Variants in GPC6 observed in about 807,000 individuals in gnomAD.
The protein encoded by GPC6 is glypican 6.
GPC6 carries 14 observed loss-of-function variants against 55.2 expected under a neutral mutation model. That is an observed-to-expected ratio of 0.25 (90% confidence interval 0.17 to 0.40). The LOEUF (loss-of-function observed/expected upper bound fraction) is 0.40, where lower values mean the gene tolerates loss of function less well. GPC6 is among the 10% of genes least tolerant of loss of function. The pLI, the probability that GPC6 is intolerant of heterozygous loss-of-function variation, is 1.00. For missense variants in GPC6, 641 were observed against 708.5 expected (o/e 0.90, Z 1.08); for synonymous variants, 278 against 259.6 (o/e 1.07, Z -0.68).
intron 2 of GPC6, among the ~76,000 whole-genome samples, chr13:93,711,252 A>C (rs1053138709): frequency 2.0e-5 from 3 of 151,814 alleles, no homozygotes; most frequent in African/African-American, 7.2e-5. Flanking sequence ...ACAGTTCCAC[A>C]TGGCTGAGGA....
intron 4 of GPC6, among the ~76,000 whole-genome samples, chr13:94,257,880 G>C (rs1197469876): frequency 1.3e-5 from 2 of 152,178 alleles, no homozygotes; most frequent in Non-Finnish European, 2.9e-5. Context: ...AGAGTGGGTA[G>C]AGTGACTTGA....
chr13:93,781,959 A>T (rs971279359), intron 2 of GPC6, among the ~76,000 whole-genome samples: 1 of 152,188 alleles, frequency 6.6e-6, no homozygotes, highest in African/African-American at 2.4e-5. Flanking sequence ...AACATTTAAA[A>T]TCTACTTTTT....
At chr13:93,244,174 G>C (rs985428254) in intron 1 of GPC6, among the ~76,000 whole-genome samples, 2 of 152,126 alleles carry the variant, frequency 1.3e-5, no homozygotes, top group Non-Finnish European at 2.9e-5. Flanking sequence ...AAGAGTCCAC[G>C]CTGGGAGCCG....
At chr13:94,286,582 A>G in intron 5 of GPC6, 103 bp downstream of exon 5, 1 of 1,019,418 alleles carries the variant, frequency 9.8e-7, no homozygotes, top group South Asian at 1.4e-5. Flanking sequence ...ATAAATTCTA[A>G]TATGCTGTCA....
At chr13:94,209,432 G>T (rs1170678588) in intron 4 of GPC6, among the ~76,000 whole-genome samples, 2 of 152,030 alleles carry the variant, frequency 1.3e-5, no homozygotes, top group Non-Finnish European at 1.5e-5. Context: ...GTCCAACATG[G>T]CTCCTTTCAG....
intron 1 of GPC6, among the ~76,000 whole-genome samples, chr13:93,454,221 C>G (rs550030005): frequency 6.1e-5 from 9 of 148,158 alleles, no homozygotes; most frequent in African/African-American, 1.8e-4. Context: ...GGTGTATTTA[C>G]GATCCCTGAG....
intron 2 of GPC6, among the ~76,000 whole-genome samples, chr13:93,547,190 A>C (rs1200657601): frequency 8.2e-5 from 6 of 73,348 alleles, no homozygotes; most frequent in African/African-American, 1.2e-4. Flanking sequence ...AAAAAAAAAA[A>C]AAAAAATTAG....
chr13:93,636,235 A>G (rs1192956745), intron 2 of GPC6, among the ~76,000 whole-genome samples: 36 of 152,220 alleles, frequency 2.4e-4, no homozygotes. Flanking sequence ...TATATAGCCA[A>G]TGGTGTTGTG....
intron 4 of GPC6, among the ~76,000 whole-genome samples, chr13:94,195,294 A>G (rs1226699511): frequency 6.6e-6 from 1 of 152,192 alleles, no homozygotes; most frequent in Admixed American, 6.5e-5. Flanking sequence ...AACCCCAGTA[A>G]GAAGCCATTG....
chr13:94,155,785 C>T (rs1406196857), intron 4 of GPC6, among the ~76,000 whole-genome samples: 2 of 152,164 alleles, frequency 1.3e-5, no homozygotes. Flanking sequence ...AGACATTCGC[C>T]ACCTGTCCTC....
chr13:94,071,925 A>T (rs145797363), intron 4 of GPC6, among the ~76,000 whole-genome samples: 3 of 152,344 alleles, frequency 2.0e-5, no homozygotes, highest in Non-Finnish European at 4.4e-5. Flanking sequence ...TTGAATTTTC[A>T]TACAGATAGA....
chr13:94,194,373 A>G (rs1889495681), intron 4 of GPC6, among the ~76,000 whole-genome samples: 1 of 151,944 alleles, frequency 6.6e-6, no homozygotes, highest in African/African-American at 2.4e-5. Flanking sequence ...TTTTCTGGCA[A>G]CTCCAATGTA....
chr13:94,311,936 A>G (rs1437866212), intron 6 of GPC6, among the ~76,000 whole-genome samples: 1 of 152,224 alleles, frequency 6.6e-6, no homozygotes, highest in Non-Finnish European at 1.5e-5. Context: ...AAGTGGCTTC[A>G]GTTAAGTCAG....
intron 3 of GPC6, among the ~76,000 whole-genome samples, chr13:93,958,242 G>T (rs1879601656): frequency 1.3e-5 from 2 of 152,058 alleles, no homozygotes; most frequent in South Asian, 4.1e-4. Context: ...GTCAATATTT[G>T]TTTTTGTTGC....
intron 6 of GPC6, among the ~76,000 whole-genome samples, chr13:94,378,402 C>T (rs1879998710): frequency 6.6e-6 from 1 of 152,108 alleles, no homozygotes; most frequent in Non-Finnish European, 1.5e-5. Flanking sequence ...ATAGTTCTTT[C>T]TGGTCATTGG....
At chr13:94,000,948 C>T (rs968621551) in intron 3 of GPC6, among the ~76,000 whole-genome samples, 1 of 152,078 alleles carries the variant, frequency 6.6e-6, no homozygotes, top group East Asian at 1.9e-4. Context: ...GGATGCTTAG[C>T]GTTACTTGAT....
intron 2 of GPC6, among the ~76,000 whole-genome samples, chr13:93,714,621 C>A (rs1317666003): frequency 1.3e-5 from 2 of 151,420 alleles, no homozygotes; most frequent in Non-Finnish European, 3.0e-5. Flanking sequence ...TGATGCTGGG[C>A]AGACCCTTGG....
chr13:93,298,537 C>T (rs1484523843), intron 1 of GPC6, among the ~76,000 whole-genome samples: 3 of 152,110 alleles, frequency 2.0e-5, no homozygotes, highest in Admixed American at 6.5e-5. Flanking sequence ...TGGGCTTAAG[C>T]GATCCTCCCA....
chr13:94,178,211 T>C (rs375205864), intron 4 of GPC6, among the ~76,000 whole-genome samples: 3 of 151,952 alleles, frequency 2.0e-5, no homozygotes, highest in East Asian at 1.9e-4. Flanking sequence ...GTTGGCCAGG[T>C]TGCTCTTGAA....
Sources: gnomAD v4.1 joint callset for allele counts (sites outside exome capture counted in the v4.1 genomes callset) on GRCh38, gnomAD v4.1.1 for gene constraint, MANE v1.5 for transcripts, NCBI Gene and HGNC (gene_info 2026-07-23, HGNC 2026-07-21) for gene names.